ECHDC2: variants seen among roughly 807,000 people sequenced by gnomAD.
The protein encoded by ECHDC2 is enoyl-CoA hydratase domain-containing protein 2, mitochondrial.
A neutral mutation model predicts 40.6 loss-of-function variants in ECHDC2; 34 were observed. That is an observed-to-expected ratio of 0.84 (90% CI 0.64 to 1.11). The LOEUF (loss-of-function observed/expected upper bound fraction) is 1.11. Ranked by LOEUF, ECHDC2 falls within the 50% of genes most tolerant of loss-of-function variation. The pLI, the probability that ECHDC2 is intolerant of heterozygous loss-of-function variation, is 0.00. For synonymous variants in ECHDC2, 162 were observed against 166.6 expected (o/e 0.97, Z 0.21); for missense variants, 392 against 400.7 (o/e 0.98, Z 0.19).
chr1:52,917,176 C>T (rs753267807), intron 1 of ECHDC2, among the ~76,000 whole-genome samples: 2 of 150,672 alleles, frequency 1.3e-5, no homozygotes, highest in Admixed American at 6.6e-5. Flanking sequence ...GGGCCGAGAT[C>T]ACGCCACTGC....
In ECHDC2 at chr1:52,911,715, T is replaced by G. The variant is rs1480654899; in HGVS notation, c.189+8A>C. 1.3e-6 allele frequency: 2 copies of G among 1,564,596 alleles called. No individual in the cohort carries two copies. Among genetic ancestry groups the G allele is most frequent in the Non-Finnish European group, 1.8e-6 (2 of 1,139,708 alleles). On this transcript the variant is annotated splice_region_variant and intron_variant, in intron 2 of 9. Transcript: ENST00000371522. Reference sequence around the variant, plus strand: ...CCCCAGCCCACCCTGGCGCCCGCCCTTTCTTACCTCACTGACGAAGACATT... The same window carrying G: ...CCCCAGCCCACCCTGGCGCCCGCCCGTTCTTACCTCACTGACGAAGACATT...
At chr1:52,900,960 A>C (rs1415712907) in intron 7 of ECHDC2, 1 of 152,102 alleles carries the variant, frequency 6.6e-6, no homozygotes, top group African/African-American at 2.4e-5. Flanking sequence ...AGAGTTTGAG[A>C]CCAGCCTGGG....
rs928400349 is a variant in ECHDC2 at position 52,914,723 on chromosome 1, C to T, written c.122-2933G>A. 6.6e-6 allele frequency among the ~76,000 whole-genome samples: 1 copy of T among 152,150 alleles called. No homozygotes were observed. Among genetic ancestry groups the T allele is most frequent in the African/African-American group, 2.4e-5 (1 of 41,436 alleles). On this transcript the variant is annotated intron_variant, in intron 1 of 9. Coordinates refer to ENST00000371522, the MANE Select transcript of ECHDC2 (RefSeq NM_001198961.2). This position sits in a 1 kb window ranked among gnomAD's most constrained non-coding sequence, Gnocchi z 4.0. ...AACTCAGAAGTTGATCCTGTCACCT[C>T]GCTCTTACCTCACCTACAAAATGCA...
rs1476707625 is a variant in ECHDC2, at chr1:52,905,078, A to G, written c.470T>C (p.Val157Ala). 6.2e-7 allele frequency: 1 copy of G among 1,613,960 alleles called. No homozygotes were observed. The highest frequency in any genetic ancestry group is 1.7e-5 in the Admixed American group (1 of 59,996). ...TCGCGTGGTCTCAATCAGTCCCATG[A>G]CTGCCGAGGAAGCTGCTCAGATAGA... is the stretch of plus-strand genomic sequence containing the variant. ...CDLRVAASSA[V>A]MGLIETTRGL... is the part of the protein sequence containing the mutation. The change falls in exon 6 of 10, where the codon GTC becomes GCC. Residue 157 changes from valine (V) to alanine (A), a missense_variant. By Grantham distance (64) the Val-to-Ala change is moderately conservative (BLOSUM62 0). Coordinates refer to ENST00000371522, the MANE Select transcript of ECHDC2 (RefSeq NM_001198961.2).
chr1:52,899,418 ACT>A (rs1646847775), intron 7 of ECHDC2, 194 bp from the exon 8 acceptor site: 4 of 602,340 alleles, frequency 6.6e-6, no homozygotes, highest in Admixed American at 3.1e-5. Context: ...AAGAAGCCAG[ACT>A]CTGATCCCTG....
chr1:52,912,134 G>T, intron 1 of ECHDC2: 4 of 805,820 alleles, frequency 5.0e-6, no homozygotes, highest in South Asian at 9.3e-5. Context: ...ATGCACCCAT[G>T]TACCTTCTTT....
intron 5 of ECHDC2, 146 bp from the exon 6 acceptor site, chr1:52,905,236 G>T: frequency 2.5e-6 from 2 of 794,974 alleles, no homozygotes; most frequent in Non-Finnish European, 4.1e-6. Context: ...TCCAGACTCT[G>T]CCTTTGGAAG....
chr1:52,916,673 A>G (rs1392891229), intron 1 of ECHDC2, among the ~76,000 whole-genome samples: 3 of 152,202 alleles, frequency 2.0e-5, no homozygotes, highest in Non-Finnish European at 4.4e-5. Flanking sequence ...CCGACATTCA[A>G]TTGTGCAACA....
Position 52,911,485 on chromosome 1 carries a change from G to A in ECHDC2, c.277+81C>T, listed in dbSNP as rs1649470842. ...TGGCAACAATGAGTCCCATGCTGAA[G>A]CTGATCTAAGGTTTCCCCCAACCCC... On this transcript the variant is annotated intron_variant, in intron 3 of 9. Transcript: ENST00000371522. 2.2e-6 allele frequency: 3 copies of A among 1,356,850 alleles called. No homozygotes were observed. In the African/African-American group the frequency reaches 4.3e-5, roughly 19 times the overall value. The allele number at this position is 1,356,850 out of a possible 1,614,324, so 84.1% of individuals were successfully genotyped here.
chr1:52,904,566 C>T (rs1647246897), intron 7 of ECHDC2, 80 bp downstream of exon 7: 13 of 1,285,058 alleles, frequency 1.0e-5, no homozygotes, highest in African/African-American at 1.5e-5. Flanking sequence ...AATGGATGTG[C>T]AGCCCAAGGG....
rs5774130 is a variant in ECHDC2, at chr1:52,901,159, A to AAAATAAATAAATAAATAAAT, written c.703-1955_703-1936dup. On this transcript the variant is annotated intron_variant, in intron 7 of 9. Transcript: ENST00000371522. ...GGCAAAAGAGCCAGACCCTGTCTCAAAAATAAATAAATAAATAAATAAATA... is the reference window on the plus strand; with the variant it reads ...GGCAAAAGAGCCAGACCCTGTCTCAAAAATAAATAAATAAATAAATAAATAAATAAATAAATAAATAAATA... The AAAATAAATAAATAAATAAAT allele has an allele frequency of 2.7e-5, 4 of 147,316 alleles. No individual in the cohort carries two copies. In the East Asian group the frequency reaches 7.8e-4, roughly 29 times the overall value. The allele number at this position is 147,316 out of a possible 1,614,324, so 9.1% of individuals were successfully genotyped here. A position where few individuals can be genotyped will look rare whatever the true frequency, so the allele number is the denominator to read the frequency against.
chr1:52,914,869 C>G lies in ECHDC2; in HGVS notation c.122-3079G>C, dbSNP rs1466875251. On this transcript the variant is annotated intron_variant, in intron 1 of 9. Transcript: ENST00000371522. This position sits in a 1 kb window ranked among gnomAD's most constrained non-coding sequence, Gnocchi z 4.0. ...TTTCCTGCATCCCTCGGATCACCCA[C>G]CTGGCCCTCGAGTCCTCAGTCTTGC... Among the ~76,000 whole-genome samples the G allele has an allele frequency of 6.6e-6, 1 of 152,180 alleles. No individual in the cohort carries two copies. The highest frequency in any genetic ancestry group is 2.4e-5 in the African/African-American group (1 of 41,434).
In ECHDC2 at chr1:52,904,506, C is replaced by T. The variant is rs1452930307; in HGVS notation, c.702+140G>A. The T allele has an allele frequency of 8.0e-6, 6 of 750,034 alleles. No homozygotes were observed. In the South Asian group the frequency reaches 9.6e-5, roughly 12 times the overall value. 46.5% of individuals were successfully genotyped at this position (750,034 alleles called of 1,614,324 possible). A position where few individuals can be genotyped will look rare whatever the true frequency, so the allele number is the denominator to read the frequency against. ...TTAAAATTTGACTTGATTGTGTTTA[C>T]TGGATGGTTAAACAAACTCCAAAGA... On this transcript the variant is annotated intron_variant, in intron 7 of 9. Transcript: ENST00000371522.
chr1:52,910,352 GTTTTTTTTTTT>G (rs869088329), intron 3 of ECHDC2, among the ~76,000 whole-genome samples: 10 of 32,058 alleles, frequency 3.1e-4, no homozygotes, highest in Admixed American at 1.9e-3. Context: ...CCACAATTTC[GTTTTTTTTTTT>G]TTTTTTTTTT....
intron 4 of ECHDC2, chr1:52,907,051 G>C (rs1423424777): frequency 6.6e-6 from 1 of 150,436 alleles, no homozygotes; most frequent in Non-Finnish European, 1.5e-5. Flanking sequence ...AAACTGCTGG[G>C]ATTACAGGAA....
intron 1 of ECHDC2, among the ~76,000 whole-genome samples, chr1:52,918,767 T>C (rs1471706088): frequency 6.6e-6 from 1 of 152,160 alleles, no homozygotes; most frequent in African/African-American, 2.4e-5. Flanking sequence ...GAAAGAAACA[T>C]TTGTAAAGCA....
chr1:52,898,106 TA>T (rs1418318735), intron 8 of ECHDC2: 4 of 161,646 alleles, frequency 2.5e-5, no homozygotes, highest in Admixed American at 5.7e-5. Context: ...AGTCCAACTG[TA>T]GAAAACAGTC....
At chr1:52,898,846 A>C (rs943559621) in intron 8 of ECHDC2, 13 of 421,318 alleles carry the variant, frequency 3.1e-5, no homozygotes, top group African/African-American at 2.0e-4. Flanking sequence ...TGCCAGCACA[A>C]ATCTTGCAGC....
At chr1:52,908,056 C>T in intron 3 of ECHDC2, 102 bp from the exon 4 acceptor site, 1 of 1,018,120 alleles carries the variant, frequency 9.8e-7, no homozygotes, top group East Asian at 2.6e-5. Context: ...GACAGGCAGC[C>T]AGCGAGGAAG....
Sources: gnomAD v4.1 joint callset for allele counts (sites outside exome capture counted in the v4.1 genomes callset) on GRCh38, gnomAD v4.1.1 for gene constraint, Gnocchi (gnomAD v3.1) non-coding constraint, MANE v1.5 for transcripts, NCBI Gene and HGNC (gene_info 2026-07-23, HGNC 2026-07-21) for gene names.